MAEA: variants seen among roughly 807,000 people sequenced by gnomAD.
The protein encoded by MAEA is macrophage erythroblast attacher, E3 ubiquitin ligase, also known as E3 ubiquitin-protein transferase MAEA.
A neutral mutation model predicts 46.2 loss-of-function variants in MAEA; 22 were observed. The observed-to-expected ratio is 0.48, with a 90% CI of 0.34 to 0.68. The LOEUF (loss-of-function observed/expected upper bound fraction) is 0.68. Among genes scored for constraint, MAEA ranks in the 30% least tolerant of loss-of-function variants. The pLI is 0.01. For missense variants in MAEA, 393 were observed against 558.1 expected, an observed-to-expected ratio of 0.70 and a Z score of 2.98; for synonymous variants, 246 against 222.6, an observed-to-expected ratio of 1.11 and a Z score of -0.94.
At chr4:1,326,714 C>T (rs1738873807) in intron 4 of MAEA, among the ~76,000 whole-genome samples, 1 of 151,962 alleles carries the variant, frequency 6.6e-6, no homozygotes, top group Non-Finnish European at 1.5e-5. Flanking sequence ...AGCGCCCTCC[C>T]TTCACGCGAG....
In MAEA at chr4:1,311,566, G is replaced by A. The variant is rs1283171281; in HGVS notation, c.70-413G>A. ...GCCCCATGCACCCTTGTCCCTGCCC[G>A]GCCTGGCCTCGTGTGGTGGCGCCTG... is the stretch of plus-strand genomic sequence containing the variant. On this transcript the variant is annotated intron_variant, in intron 1 of 8. Coordinates refer to ENST00000303400, the MANE Select transcript of MAEA (RefSeq NM_001017405.3). The surrounding 1 kb of genome is among the most constrained non-coding windows in gnomAD (Gnocchi z 4.4). Among the ~76,000 whole-genome samples, 1 of 152,122 alleles carries A rather than the reference G, an allele frequency of 6.6e-6. No individual in the cohort carries two copies. The highest frequency in any genetic ancestry group is 1.5e-5 in the Non-Finnish European group (1 of 68,024).
chr4:1,289,986 G>T lies in MAEA; in HGVS notation c.69+4G>T. On this transcript the variant is annotated splice_donor_region_variant and intron_variant, in intron 1 of 8. Coordinates refer to ENST00000303400, the MANE Select transcript of MAEA (RefSeq NM_001017405.3). ...CCAGGAGTACCCGACCCTCAAGGTG[G>T]GCGCCTGCGCCGCGCAGGCTGAGGG... 6.3e-7 allele frequency: 1 copy of T among 1,586,388 alleles called. No homozygotes were observed. Among genetic ancestry groups the T allele is most frequent in the Non-Finnish European group, 8.6e-7 (1 of 1,166,748 alleles).
rs574613142 is a variant in MAEA at position 1,322,143 on chromosome 4, C to T, written c.457-238C>T. 1.9e-4 allele frequency among the ~76,000 whole-genome samples: 29 copies of T among 152,236 alleles called. No homozygotes were observed. The South Asian group carries it at 4.8e-3, about 25-fold the overall frequency. ...GTGGGGCCAGCCTGGCTCCCTTGCC[C>T]GGCTATGGCTGCTGTCTACGTGAGC... is the stretch of plus-strand genomic sequence containing the variant. On this transcript the variant is annotated intron_variant, in intron 3 of 8. Transcript: ENST00000303400.
chr4:1,332,934 G>T, intron 6 of MAEA, 69 bp downstream of exon 6: 2 of 1,238,974 alleles, frequency 1.6e-6, no homozygotes, highest in Non-Finnish European at 2.3e-6. Context: ...CTGGTCTGTA[G>T]CTGCTTCCAC....
intron 1 of MAEA, chr4:1,309,572 T>C (rs1375493974): frequency 6.7e-7 from 1 of 1,484,898 alleles, no homozygotes; most frequent in Non-Finnish European, 9.0e-7. Flanking sequence ...GGGCCAGCGC[T>C]GGAGGAGGAG....
intron 1 of MAEA, among the ~76,000 whole-genome samples, chr4:1,298,639 C>T (rs1054546711): frequency 6.6e-6 from 1 of 152,202 alleles, no homozygotes; most frequent in Non-Finnish European, 1.5e-5. Context: ...GAACACAGCT[C>T]ACCCCCTCGG....
chr4:1,334,918 C>T, intron 6 of MAEA: 20 of 985,362 alleles, frequency 2.0e-5, no homozygotes, highest in Non-Finnish European at 2.4e-5. Flanking sequence ...TTAAAACAGC[C>T]TTTAAAAATG....
chr4:1,339,457 C>A lies in MAEA; in HGVS notation c.*288C>A. On this transcript the variant is annotated 3_prime_UTR_variant, in exon 9 of 9. Coordinates refer to ENST00000303400, the MANE Select transcript of MAEA (RefSeq NM_001017405.3). ...CTTCTTTAAAGACTGACCTAAACAC[C>A]GAGGGAAACTTAAGAACGTTTAAAA... The A allele has an allele frequency of 2.3e-6, 1 of 426,382 alleles. No homozygotes were observed. The highest frequency in any genetic ancestry group is 4.1e-5 in the Admixed American group (1 of 24,360). The allele number at this position is 426,382 out of a possible 1,614,324, so 26.4% of individuals were successfully genotyped here.
intron 5 of MAEA, among the ~76,000 whole-genome samples, chr4:1,328,407 A>C (rs942285067): frequency 5.3e-5 from 8 of 151,572 alleles, no homozygotes; most frequent in Middle Eastern, 3.4e-3. Context: ...GTTCATGCTC[A>C]CCCCGTCTCG....
chr4:1,308,569 C>T (rs1736060306), intron 1 of MAEA, among the ~76,000 whole-genome samples: 1 of 152,250 alleles, frequency 6.6e-6, no homozygotes, highest in Non-Finnish European at 1.5e-5. Flanking sequence ...TGCTCCGCTT[C>T]CTGCCGTGGC....
At chr4:1,338,396 C>T in intron 7 of MAEA, 26 bp from the exon 8 acceptor site, 1 of 1,593,740 alleles carries the variant, frequency 6.3e-7, no homozygotes, top group Non-Finnish European at 8.6e-7. Flanking sequence ...GAGTGGCCCC[C>T]AACCCTTCCT....
Position 1,311,931 on chromosome 4 carries a change from G to T in MAEA, c.70-48G>T. ...TGTGTCCTGGGTGTGGGGCTGGTGG[G>T]GCTCACACCAGGGGAGCAGATCCCT... On this transcript the variant is annotated intron_variant, in intron 1 of 8. Transcript: ENST00000303400. The surrounding 1 kb of genome is among the most constrained non-coding windows in gnomAD (Gnocchi z 4.4). The T allele has an allele frequency of 6.5e-7, 1 of 1,547,170 alleles. No homozygotes were observed. The highest frequency in any genetic ancestry group is 1.2e-5 in the South Asian group (1 of 84,292).
At chr4:1,296,421 C>T (rs189771196) in intron 1 of MAEA, among the ~76,000 whole-genome samples, 58 of 30,634 alleles carry the variant, frequency 1.9e-3, no homozygotes, top group Admixed American at 0.014. Flanking sequence ...ACCTGTACCC[C>T]TCACCCATGC....
intron 1 of MAEA, among the ~76,000 whole-genome samples, chr4:1,300,792 C>T (rs60555464): frequency 0.15 from 23,476 of 152,248 alleles, 3,489 homozygotes; most frequent in East Asian, 0.42. Context: ...CTTTGTAGGG[C>T]GCAACATCAA....
intron 1 of MAEA, among the ~76,000 whole-genome samples, chr4:1,291,669 A>C (rs922515203): frequency 1.3e-5 from 2 of 152,214 alleles, no homozygotes; most frequent in Admixed American, 1.3e-4. Flanking sequence ...GAATGTGGGA[A>C]ACACTAGATA....
At chr4:1,319,189 A>C (rs542443194) in intron 3 of MAEA, among the ~76,000 whole-genome samples, 1 of 152,224 alleles carries the variant, frequency 6.6e-6, no homozygotes, top group African/African-American at 2.4e-5. Context: ...CCTTCTCTAC[A>C]AATTTTTTTT....
intron 1 of MAEA, among the ~76,000 whole-genome samples, chr4:1,296,933 A>T (rs959902059): frequency 2.6e-5 from 4 of 152,016 alleles, no homozygotes; most frequent in Admixed American, 2.0e-4. Context: ...TTATGTCACC[A>T]GCCAGCCCTC....
intron 3 of MAEA, among the ~76,000 whole-genome samples, chr4:1,317,991 G>T (rs985305799): frequency 2.6e-5 from 4 of 152,184 alleles, no homozygotes; most frequent in African/African-American, 9.7e-5. Flanking sequence ...TCAGGGAAGG[G>T]CATTCTCACC....
At chr4:1,335,057 G>A in intron 6 of MAEA, 2 of 985,412 alleles carry the variant, frequency 2.0e-6, no homozygotes, top group Non-Finnish European at 2.4e-6. Context: ...TAGAGACTGA[G>A]CGGCCTTTCT....
Sources: allele counts gnomAD v4.1 joint callset (sites outside exome capture counted in the v4.1 genomes callset), GRCh38; gene constraint gnomAD v4.1.1; non-coding constraint Gnocchi (gnomAD v3.1); transcripts MANE v1.5; gene names NCBI Gene and HGNC (gene_info 2026-07-23, HGNC 2026-07-21).